Variants in ZNF609 observed in about 807,000 individuals in gnomAD.
ZNF609 encodes the protein zinc finger protein 609.
ZNF609 carries 11 observed loss-of-function variants against 109.5 expected under a neutral mutation model. The ratio of observed to expected loss-of-function variants is 0.10; its 90% CI spans 0.06 to 0.17. The LOEUF is 0.17. ZNF609 is among the 10% of genes least tolerant of loss of function. The pLI is 1.00. For missense variants in ZNF609, 1,559 were observed against 1,772.4 expected, an observed-to-expected ratio of 0.88 and a Z score of 2.16; for synonymous variants, 646 against 662.0, an observed-to-expected ratio of 0.98 and a Z score of 0.37.
intron 2 of ZNF609, among the ~76,000 whole-genome samples, chr15:64,617,120 G>A (rs8024318): frequency 1 from 152,167 of 152,168 alleles, 76,083 homozygotes; most frequent in Non-Finnish European, 1. Context: ...AAACTGCTAT[G>A]TAAAGGTAAA....
At chr15:64,621,918 G>T (rs1895882900) in intron 2 of ZNF609, among the ~76,000 whole-genome samples, 1 of 151,962 alleles carries the variant, frequency 6.6e-6, no homozygotes, top group South Asian at 2.1e-4. Context: ...TAGAGATGGG[G>T]TTTCACCATG....
At chr15:64,648,745 CAAA>C (rs1162012248) in intron 3 of ZNF609, among the ~76,000 whole-genome samples, 5 of 72,412 alleles carry the variant, frequency 6.9e-5, no homozygotes, top group Admixed American at 1.6e-4. Context: ...CACCACATAC[CAAA>C]AAAAAAAAAA....
At chr15:64,670,579 C>G in intron 4 of ZNF609, 146 bp downstream of exon 4, 1 of 727,208 alleles carries the variant, frequency 1.4e-6, no homozygotes, top group Non-Finnish European at 2.3e-6. Flanking sequence ...ATTTATCTGA[C>G]ATTCAAGAAG....
rs371258249 is a variant in ZNF609, at chr15:64,675,550, A to G, written c.2696A>G (p.Tyr899Cys). The change falls in exon 5 of 10, where the codon TAT (tyrosine) becomes TGT (cysteine). Residue 899 changes from tyrosine (Y) to cysteine (C), a missense_variant. Physicochemically the swap from Tyr to Cys is radical, Grantham distance 194. Transcript: ENST00000326648. Reference protein sequence around the residue: ...SPYYQGFESYYSPSYAQSSPG... With the variant: ...SPYYQGFESYCSPSYAQSSPG... Reference sequence around the variant, plus strand: ...TATTACCAAGGCTTTGAGAGTTACTATTCTCCAAGTTATGCACAGTCCAGC... The same window carrying G: ...TATTACCAAGGCTTTGAGAGTTACTGTTCTCCAAGTTATGCACAGTCCAGC... 3 of 1,614,050 alleles carry G rather than the reference A, an allele frequency of 1.9e-6. No individual in the cohort carries two copies. Among genetic ancestry groups the G allele is most frequent in the African/African-American group, 1.3e-5 (1 of 74,912 alleles).
intron 2 of ZNF609, among the ~76,000 whole-genome samples, chr15:64,614,290 G>C (rs1472556144): frequency 6.6e-6 from 1 of 151,402 alleles, no homozygotes; most frequent in Non-Finnish European, 1.5e-5. Flanking sequence ...GAGTGCAGTG[G>C]CGCGATCTTG....
chr15:64,529,507 T>G, intron 2 of ZNF609: 1 of 1,135,966 alleles, frequency 8.8e-7, no homozygotes, highest in Non-Finnish European at 1.3e-6. Flanking sequence ...GCCATGGAAT[T>G]TGCCATGTGT....
intron 1 of ZNF609, among the ~76,000 whole-genome samples, chr15:64,463,552 C>T (rs554192528): frequency 5.9e-5 from 9 of 152,288 alleles, no homozygotes; most frequent in African/African-American, 2.2e-4. Flanking sequence ...AATCATTTCC[C>T]ATAGGATAGT....
intron 5 of ZNF609, 50 bp from the exon 6 acceptor site, chr15:64,678,066 T>C (rs899737830): frequency 6.4e-7 from 1 of 1,569,222 alleles, no homozygotes. Flanking sequence ...GCTTGAAGTA[T>C]ATCTGTCTTA....
At chr15:64,539,178 A>AT (rs1894205709) in intron 2 of ZNF609, among the ~76,000 whole-genome samples, 1 of 128,962 alleles carries the variant, frequency 7.8e-6, no homozygotes, top group South Asian at 2.5e-4. Flanking sequence ...TTATTTATTT[A>AT]TTTATTTATT....
At chr15:64,459,697 G>T (rs1489289705), upstream of ZNF609, among the ~76,000 whole-genome samples, 3 of 152,158 alleles carry the variant, frequency 2.0e-5, no homozygotes, top group African/African-American at 7.2e-5. Flanking sequence ...TAGGATGTGG[G>T]AGGCCTTGAG....
At chr15:64,489,147 A>G (rs1893373687) in intron 1 of ZNF609, among the ~76,000 whole-genome samples, 1 of 150,512 alleles carries the variant, frequency 6.6e-6, no homozygotes, top group African/African-American at 2.4e-5. Context: ...TTTACACAAC[A>G]GTTCTGTGTG....
intron 2 of ZNF609, chr15:64,529,769 T>A (rs1894029777): frequency 1.9e-6 from 1 of 515,118 alleles, no homozygotes; most frequent in South Asian, 1.8e-5. Flanking sequence ...TCACTCTTGT[T>A]ACCCAGGCTG....
intron 2 of ZNF609, among the ~76,000 whole-genome samples, chr15:64,541,306 A>G (rs888309130): frequency 1.2e-4 from 18 of 150,140 alleles, no homozygotes; most frequent in Non-Finnish European, 2.2e-4. Context: ...GGGCGCCTGT[A>G]GTCCCCGCTA....
At chr15:64,555,886 CAAAAAA>C (rs963732035) in intron 2 of ZNF609, among the ~76,000 whole-genome samples, 5 of 38,936 alleles carry the variant, frequency 1.3e-4, no homozygotes, top group Admixed American at 3.2e-4. Flanking sequence ...GACTCTGTCT[CAAAAAA>C]AAAAAAAAAA....
At chr15:64,546,907 C>T (rs1373596469) in intron 2 of ZNF609, among the ~76,000 whole-genome samples, 2 of 151,282 alleles carry the variant, frequency 1.3e-5, no homozygotes, top group African/African-American at 2.4e-5. Flanking sequence ...TCTCCTGCCT[C>T]AGCTTCCCGA....
At chr15:64,668,786 T>A (rs555326472) in intron 3 of ZNF609, among the ~76,000 whole-genome samples, 36 of 151,952 alleles carry the variant, frequency 2.4e-4, no homozygotes, top group Non-Finnish European at 4.4e-4. Context: ...AAACTCTGTC[T>A]CTACTAAAAA....
At chr15:64,656,518 CTCT>C (rs1245706044) in intron 3 of ZNF609, among the ~76,000 whole-genome samples, 2 of 152,148 alleles carry the variant, frequency 1.3e-5, no homozygotes, top group Admixed American at 6.6e-5. Flanking sequence ...TTTGGTCTCA[CTCT>C]TCTTCATGTG....
intron 2 of ZNF609, among the ~76,000 whole-genome samples, chr15:64,592,458 A>G (rs1039666623): frequency 2.6e-5 from 4 of 152,112 alleles, no homozygotes; most frequent in Non-Finnish European, 4.4e-5. Flanking sequence ...GGTGCCTGTA[A>G]TCCTAGCTAC....
chr15:64,546,292 G>A (rs542605786), intron 2 of ZNF609, among the ~76,000 whole-genome samples: 1 of 152,178 alleles, frequency 6.6e-6, no homozygotes, highest in South Asian at 2.1e-4. Flanking sequence ...TTGCCCACAT[G>A]GGAATGCAGT....
Sources: allele counts gnomAD v4.1 joint callset (sites outside exome capture counted in the v4.1 genomes callset), GRCh38; gene constraint gnomAD v4.1.1; transcripts MANE v1.5; gene names NCBI Gene and HGNC (gene_info 2026-07-23, HGNC 2026-07-21).